LPA: variants seen among roughly 807,000 people sequenced by gnomAD.
LPA encodes the protein lipoprotein(a), also known as apolipoprotein(a).
LPA carries 199 observed loss-of-function variants against 197.9 expected under a neutral mutation model. That is an observed-to-expected ratio of 1.01 (90% CI 0.90 to 1.13). The LOEUF is 1.13. LPA is among the 50% of genes most tolerant of loss of function. The pLI is 0.00. For missense variants in LPA, 1,853 were observed against 1,785.8 expected, an observed-to-expected ratio of 1.04 and a Z score of -0.68; for synonymous variants, 715 against 639.5, an observed-to-expected ratio of 1.12 and a Z score of -1.78.
chr6:160,547,496 TCCAGTACCAGTA>T (rs1043861213), intron 32 of LPA, among the ~76,000 whole-genome samples: 2 of 152,200 alleles, frequency 1.3e-5, no homozygotes, highest in East Asian at 1.9e-4. Context: ...AATTACCAGT[TCCAGTACCAGTA>T]CCAGTACCAG....
intron 30 of LPA, among the ~76,000 whole-genome samples, chr6:160,551,577 T>C (rs553553738): frequency 6.6e-6 from 1 of 152,352 alleles, no homozygotes; most frequent in South Asian, 2.1e-4. Context: ...AGTGAGTGTT[T>C]ACAGACTCCT....
At chr6:160,658,127 G>A (rs1384999154) in intron 1 of LPA, among the ~76,000 whole-genome samples, 3 of 152,146 alleles carry the variant, frequency 2.0e-5, no homozygotes, top group South Asian at 2.1e-4. Flanking sequence ...GCACGGGTCA[G>A]GGAGGGGATG....
intron 8 of LPA, 53 bp downstream of exon 8, chr6:160,633,700 A>C (rs1162022634): frequency 8.2e-7 from 1 of 1,212,538 alleles, no homozygotes; most frequent in African/African-American, 2.5e-5. Context: ...ATCTCTTGTA[A>C]CAGAAACTTC....
At chr6:160,649,555 GC>G (rs1435195021) in intron 2 of LPA, among the ~76,000 whole-genome samples, 1 of 152,074 alleles carries the variant, frequency 6.6e-6, no homozygotes, top group Non-Finnish European at 1.5e-5. Context: ...TCCATCTCCT[GC>G]CCTTCAGTGC....
At chr6:160,610,741 C>A (rs950141056) in intron 16 of LPA, among the ~76,000 whole-genome samples, 1 of 152,150 alleles carries the variant, frequency 6.6e-6, no homozygotes, top group South Asian at 2.1e-4. Context: ...TAGATGGCTA[C>A]AGGCTGCTTG....
rs1583606759 is a variant in LPA, at chr6:160,595,815, CTTGTACTTGTACAACTTCAA to C, written c.3288-300_3288-281del. On this transcript the variant is annotated intron_variant, in intron 20 of 38. Coordinates refer to ENST00000316300, the MANE Select transcript of LPA (RefSeq NM_005577.4). ...TACTCTGTACATTGTGCAAGTTGCA[CTTGTACTTGTACAACTTCAA>C]TTGTACTTGTACAATTATACTCTGT... 2.6e-5 allele frequency among the ~76,000 whole-genome samples: 4 copies of C among 152,064 alleles called. No homozygotes were observed. The South Asian group carries it at 8.3e-4, about 32-fold the overall frequency.
In LPA at chr6:160,586,497, T is replaced by C. The variant is rs771704976; in HGVS notation, c.4081A>G (p.Thr1361Ala). ...CPVMESTLLTTPTVVPVPSTE... is the reference protein window; with the variant it reads ...CPVMESTLLTAPTVVPVPSTE... ...CTTGGAACTGGGACCACCGTGGGAG[T>C]TGTGAGGAGAGTTGATTCCATCACT... Residue 1361 changes from threonine (T) to alanine (A), a missense_variant, in exon 25 of 39, where the codon ACT becomes GCT. Thr to Ala is a moderately conservative substitution (Grantham distance 58). Transcript: ENST00000316300. 1 of 1,613,646 alleles carries C rather than the reference T, an allele frequency of 6.2e-7. No homozygotes were observed. The highest frequency in any genetic ancestry group is 8.5e-7 in the Non-Finnish European group (1 of 1,179,732).
At chr6:160,657,003 T>C (rs1386478978) in intron 1 of LPA, among the ~76,000 whole-genome samples, 1 of 152,198 alleles carries the variant, frequency 6.6e-6, no homozygotes, top group African/African-American at 2.4e-5. Context: ...TCTATTATGG[T>C]AGTTATGCCC....
chr6:160,604,170 A>G (rs1357420208), intron 18 of LPA, among the ~76,000 whole-genome samples: 1 of 152,094 alleles, frequency 6.6e-6, no homozygotes, highest in African/African-American at 2.4e-5. Context: ...GGCCTATAAA[A>G]TCCTAGCTAC....
At chr6:160,658,892 G>GAC (rs1780175130) in intron 1 of LPA, among the ~76,000 whole-genome samples, 2 of 42,688 alleles carry the variant, frequency 4.7e-5, no homozygotes, top group African/African-American at 1.3e-4. Flanking sequence ...ATATATATAT[G>GAC]AGAGAGAGAG....
At chr6:160,553,884 T>A (rs996530763) in intron 30 of LPA, among the ~76,000 whole-genome samples, 1 of 151,716 alleles carries the variant, frequency 6.6e-6, no homozygotes, top group African/African-American at 2.4e-5. Flanking sequence ...TCCTTAAGGT[T>A]CTATTTATTT....
chr6:160,584,224 CTTCT>C, intron 26 of LPA, among the ~76,000 whole-genome samples: 1 of 110,146 alleles, frequency 9.1e-6, no homozygotes, highest in East Asian at 5.5e-4. Context: ...TCTTCTTCTT[CTTCT>C]TCTTCTTCTT....
rs1326011606 is a variant in LPA at position 160,605,050 on chromosome 6, TTGGGTAGTATGC to T, written c.2929_2940del (p.Ala977_Pro980del). Reference sequence around the variant, plus strand: ...TGGTAAAGAAAATAGACATACGCATTTGGGTAGTATGCTGGGGTCCGACTATGCGAGTGTGGT... The same window carrying T: ...TGGTAAAGAAAATAGACATACGCATTTGGGGTCCGACTATGCGAGTGTGGT... On this transcript the variant is annotated inframe_deletion, in exon 18 of 39. Transcript: ENST00000316300. 6 of 1,613,694 alleles carry T rather than the reference TTGGGTAGTATGC, an allele frequency of 3.7e-6. 1 individual carries two copies. The South Asian group carries it at 6.6e-5, about 18-fold the overall frequency.
chr6:160,587,006 G>C (rs899303488), intron 24 of LPA, among the ~76,000 whole-genome samples: 3 of 152,156 alleles, frequency 2.0e-5, no homozygotes, highest in African/African-American at 7.2e-5. Context: ...ATGTTTATCT[G>C]TCAGGCTGTC....
chr6:160,562,888 G>T (rs183937053), intron 28 of LPA, among the ~76,000 whole-genome samples: 4 of 152,214 alleles, frequency 2.6e-5, no homozygotes, highest in African/African-American at 9.6e-5. Context: ...ATGGTAGTTT[G>T]TATTTCTGTG....
chr6:160,571,772 A>C (rs1778566286), intron 28 of LPA, among the ~76,000 whole-genome samples: 1 of 152,238 alleles, frequency 6.6e-6, no homozygotes, highest in South Asian at 2.1e-4. Flanking sequence ...CTGTGCTGGC[A>C]GCAAGAATTT....
At chr6:160,565,045 C>A (rs554639537) in intron 28 of LPA, among the ~76,000 whole-genome samples, 213 of 152,326 alleles carry the variant, frequency 1.4e-3, no homozygotes, top group African/African-American at 5.1e-3. Context: ...TGGGTGGAGC[C>A]CACCACAGCT....
At chr6:160,544,538 C>T (rs529528968) in intron 33 of LPA, among the ~76,000 whole-genome samples, 1 of 152,226 alleles carries the variant, frequency 6.6e-6, no homozygotes, top group African/African-American at 2.4e-5. Context: ...AGTGTGGCTC[C>T]CATGATCTTC....
At chr6:160,569,611 C>T (rs1778525986) in intron 28 of LPA, among the ~76,000 whole-genome samples, 1 of 152,138 alleles carries the variant, frequency 6.6e-6, no homozygotes. Flanking sequence ...GCAATAGCAA[C>T]AAAAGCCAAA....
Sources: allele counts gnomAD v4.1 joint callset (sites outside exome capture counted in the v4.1 genomes callset), GRCh38; gene constraint gnomAD v4.1.1; transcripts MANE v1.5; gene names NCBI Gene and HGNC (gene_info 2026-07-23, HGNC 2026-07-21).